The following KCNC2 variants were observed in gnomAD, a reference collection of about 807,000 sequenced individuals.
KCNC2 encodes the protein potassium voltage-gated channel subfamily C member 2.
KCNC2 carries 21 observed loss-of-function variants against 44.5 expected under a neutral mutation model. The observed-to-expected ratio is 0.47, with a 90% CI of 0.33 to 0.68. The LOEUF (loss-of-function observed/expected upper bound fraction) is 0.68. KCNC2 is among the 30% of genes least tolerant of loss of function. The pLI is 0.01. For synonymous variants in KCNC2, 391 were observed against 339.1 expected, an observed-to-expected ratio of 1.15 and a Z score of -1.68; for missense variants, 589 against 826.2, an observed-to-expected ratio of 0.71 and a Z score of 3.52.
chr12:75,045,754 G>A (rs1227641441), intron 4 of KCNC2, among the ~76,000 whole-genome samples: 1 of 151,832 alleles, frequency 6.6e-6, no homozygotes, highest in African/African-American at 2.4e-5. Context: ...CAACAAACAT[G>A]CATTCTAAGT....
At chr12:75,162,312 A>T (rs1230081157) in intron 2 of KCNC2, among the ~76,000 whole-genome samples, 1 of 151,746 alleles carries the variant, frequency 6.6e-6, no homozygotes, top group Non-Finnish European at 1.5e-5. Context: ...TATTTAGGCT[A>T]TATGGATTTC....
chr12:75,105,185 A>G (rs1177055346), intron 2 of KCNC2, among the ~76,000 whole-genome samples: 2 of 152,158 alleles, frequency 1.3e-5, no homozygotes, highest in Admixed American at 1.3e-4. Flanking sequence ...TCCTCATTGC[A>G]GAGTGACATA....
chr12:75,148,764 T>C (rs1215017172), intron 2 of KCNC2, among the ~76,000 whole-genome samples: 1 of 151,950 alleles, frequency 6.6e-6, no homozygotes, highest in Non-Finnish European at 1.5e-5. Flanking sequence ...TTGAAACTTT[T>C]TTGGCTTCAC....
intron 2 of KCNC2, among the ~76,000 whole-genome samples, chr12:75,166,695 C>T (rs1598965): frequency 0.18 from 26,876 of 150,956 alleles, 2,568 homozygotes; most frequent in African/African-American, 0.2. Flanking sequence ...AATTAAACAA[C>T]ACATTCCTAA....
chr12:75,203,844 T>G (rs2031483742), intron 2 of KCNC2, among the ~76,000 whole-genome samples: 1 of 151,950 alleles, frequency 6.6e-6, no homozygotes, highest in Non-Finnish European at 1.5e-5. Context: ...TTTAGTATTT[T>G]GTCCTTATGT....
chr12:75,189,715 T>TCATACCCTACACCCTA (rs2030009343), intron 2 of KCNC2, among the ~76,000 whole-genome samples: 1 of 152,202 alleles, frequency 6.6e-6, no homozygotes, highest in African/African-American at 2.4e-5. Flanking sequence ...TACACCGCAT[T>TCATACCCTACACCCTA]CAGAGTGAAG....
intron 2 of KCNC2, among the ~76,000 whole-genome samples, chr12:75,110,160 A>C (rs1195053339): frequency 6.6e-6 from 1 of 152,152 alleles, no homozygotes; most frequent in African/African-American, 2.4e-5. Context: ...AACTGAAGAA[A>C]CACTTGAGCT....
intron 2 of KCNC2, among the ~76,000 whole-genome samples, chr12:75,175,052 A>G (rs1476067385): frequency 6.6e-6 from 1 of 152,010 alleles, no homozygotes; most frequent in East Asian, 1.9e-4. Context: ...AGAACTTCCA[A>G]AGAAAAAACA....
chr12:75,086,240 T>C (rs568566684), intron 2 of KCNC2, among the ~76,000 whole-genome samples: 1 of 151,656 alleles, frequency 6.6e-6, no homozygotes, highest in South Asian at 2.1e-4. Context: ...CAGGGAGGGG[T>C]CAATAGGTCA....
At chr12:75,170,615 A>G (rs919605892) in intron 2 of KCNC2, among the ~76,000 whole-genome samples, 1 of 151,824 alleles carries the variant, frequency 6.6e-6, no homozygotes, top group South Asian at 2.1e-4. Context: ...CAATGTTGTC[A>G]TTACTTAACT....
intron 4 of KCNC2, among the ~76,000 whole-genome samples, chr12:75,046,985 C>T (rs1359476105): frequency 2.0e-5 from 3 of 151,760 alleles, no homozygotes; most frequent in South Asian, 2.1e-4. Context: ...ATATTTGAAC[C>T]TTAAAATGGT....
At chr12:75,121,517 A>C (rs1888044551) in intron 2 of KCNC2, among the ~76,000 whole-genome samples, 1 of 152,220 alleles carries the variant, frequency 6.6e-6, no homozygotes, top group South Asian at 2.1e-4. Context: ...GAGGCAGAAA[A>C]GGAAGTTTCC....
chr12:75,088,960 C>A (rs564190704), intron 2 of KCNC2, among the ~76,000 whole-genome samples: 1 of 151,836 alleles, frequency 6.6e-6, no homozygotes, highest in Admixed American at 6.6e-5. Flanking sequence ...TCCACAGCCC[C>A]ATAAAACAAT....
intron 2 of KCNC2, among the ~76,000 whole-genome samples, chr12:75,106,057 A>G (rs1886756495): frequency 6.6e-6 from 1 of 152,140 alleles, no homozygotes; most frequent in Admixed American, 6.6e-5. Flanking sequence ...GAGACTAAGA[A>G]GGAACAAACA....
In KCNC2 at chr12:75,206,167, AAT is replaced by A. The variant is rs1341683615; in HGVS notation, c.687+1128_687+1129del. Among the ~76,000 whole-genome samples, 132 of 152,220 alleles carry A rather than the reference AAT, an allele frequency of 8.7e-4. 1 individual carries two copies. Among genetic ancestry groups the A allele is most frequent in the Non-Finnish European group, 2.9e-5 (2 of 68,036 alleles). ...ACACTTCTGACATACAGAGGAAGAAAATAATGAAGATAGAGCCAAAGTAAAGT... is the reference window on the plus strand; with the variant it reads ...ACACTTCTGACATACAGAGGAAGAAAAATGAAGATAGAGCCAAAGTAAAGT... On this transcript the variant is annotated intron_variant, in intron 2 of 4. Transcript: ENST00000549446.
chr12:75,161,085 A>C (rs531186812), intron 2 of KCNC2, among the ~76,000 whole-genome samples: 5 of 151,812 alleles, frequency 3.3e-5, no homozygotes, highest in Admixed American at 6.6e-5. Flanking sequence ...CATATAACTC[A>C]AGGTTGTAGG....
chr12:75,199,123 C>G (rs758291569), intron 2 of KCNC2, among the ~76,000 whole-genome samples: 14 of 151,752 alleles, frequency 9.2e-5, no homozygotes, highest in Admixed American at 5.9e-4. Flanking sequence ...AGAGACAACT[C>G]AAAGGAAAAC....
intron 2 of KCNC2, among the ~76,000 whole-genome samples, chr12:75,179,852 G>A (rs1260604735): frequency 6.6e-6 from 1 of 151,352 alleles, no homozygotes; most frequent in Non-Finnish European, 1.5e-5. Flanking sequence ...TGATATTTCT[G>A]CTACTATTTC....
At chr12:75,059,587 A>G (rs1882102143) in intron 2 of KCNC2, among the ~76,000 whole-genome samples, 1 of 152,074 alleles carries the variant, frequency 6.6e-6, no homozygotes, top group South Asian at 2.1e-4. Context: ...TTTATTTTTC[A>G]TTAAAATGTT....
Sources: allele counts gnomAD v4.1 joint callset (sites outside exome capture counted in the v4.1 genomes callset), GRCh38; gene constraint gnomAD v4.1.1; transcripts MANE v1.5; gene names NCBI Gene and HGNC (gene_info 2026-07-23, HGNC 2026-07-21).